The following PDGFD variants were observed in gnomAD, a reference collection of about 807,000 sequenced individuals.
PDGFD encodes the protein platelet derived growth factor D, also known as platelet-derived growth factor D.
PDGFD carries 30 observed loss-of-function variants against 44.7 expected under a neutral mutation model. The ratio of observed to expected loss-of-function variants is 0.67; its 90% confidence interval spans 0.50 to 0.91. PDGFD has a LOEUF of 0.91. Among genes scored for constraint, PDGFD ranks in the 40% least tolerant of loss-of-function variants. The probability of loss-of-function intolerance (pLI) is 0.00; values close to 1 mark genes in which losing one functional copy is unlikely to be tolerated. For synonymous variants in PDGFD, 173 were observed against 168.4 expected (o/e 1.03, Z -0.21); for missense variants, 445 against 457.8 (o/e 0.97, Z 0.25).
chr11:103,925,842 C>A (rs1858305964), intron 6 of PDGFD, among the ~76,000 whole-genome samples: 1 of 151,444 alleles, frequency 6.6e-6, no homozygotes, highest in South Asian at 2.1e-4. Flanking sequence ...GATTCTCCCG[C>A]CTCAGCCTCC....
chr11:104,158,392 C>T (rs1180177849), intron 1 of PDGFD, among the ~76,000 whole-genome samples: 1 of 152,178 alleles, frequency 6.6e-6, no homozygotes, highest in Non-Finnish European at 1.5e-5. Context: ...AAGATATGTA[C>T]AATACAATGG....
At chr11:104,085,821 C>T (rs191900753) in intron 1 of PDGFD, among the ~76,000 whole-genome samples, 3 of 152,190 alleles carry the variant, frequency 2.0e-5, no homozygotes, top group African/African-American at 7.2e-5. Context: ...AAGCCCTCTG[C>T]GCACACATGG....
At chr11:103,956,241 C>T (rs568645764) in intron 3 of PDGFD, among the ~76,000 whole-genome samples, 12 of 150,674 alleles carry the variant, frequency 8.0e-5, no homozygotes, top group East Asian at 2.0e-4. Context: ...GTCCCCAGAG[C>T]GTGATGTTCC....
intron 5 of PDGFD, among the ~76,000 whole-genome samples, chr11:103,942,467 T>A (rs1042506260): frequency 2.0e-5 from 3 of 152,132 alleles, no homozygotes; most frequent in African/African-American, 7.2e-5. Context: ...AGCATTGTTT[T>A]AACTCATGAT....
intron 1 of PDGFD, among the ~76,000 whole-genome samples, chr11:104,126,461 A>G (rs902323275): frequency 4.6e-5 from 7 of 152,172 alleles, no homozygotes; most frequent in African/African-American, 9.6e-5. Context: ...TACACTATTC[A>G]TCGGGTCTTT....
intron 1 of PDGFD, among the ~76,000 whole-genome samples, chr11:104,043,087 G>A (rs1565319150): frequency 6.6e-6 from 1 of 151,962 alleles, no homozygotes; most frequent in East Asian, 1.9e-4. Context: ...TTCAGTTAGA[G>A]GAACTAGAAA....
chr11:103,914,372 A>G (rs978324455), intron 6 of PDGFD, among the ~76,000 whole-genome samples: 1 of 152,130 alleles, frequency 6.6e-6, no homozygotes, highest in African/African-American at 2.4e-5. Context: ...CTCCCAAAAC[A>G]CATACACCCT....
At position 104,121,004 on chromosome 11, in the gene PDGFD, A is replaced by G. The variant is rs113883460; in HGVS notation, c.124+42800T>C. On this transcript the variant is annotated intron_variant, in intron 1 of 6. Coordinates refer to ENST00000393158, the MANE Select transcript of PDGFD (RefSeq NM_025208.5). The stretch of plus-strand genomic sequence containing the variant: ...ATTGACTAACCTGACCTCCCATGGC[A>G]GGACATTTAAATGACAGGAAGCAGT... Among the ~76,000 whole-genome samples, 814 of 152,128 alleles carry G rather than the reference A, an allele frequency of 5.4e-3. 4 individuals are homozygous for G. Among genetic ancestry groups the G allele is most frequent in the African/African-American group, 0.018 (767 of 41,540 alleles).
rs260805 is a variant in PDGFD at position 104,036,782 on chromosome 11, G to A, written c.125-36527C>T. ...GCCCGCCCCAGCCCGCCAGTGAGCC[G>A]CCCATGCCCTCTGCTAGCCCGGCCC... is the stretch of plus-strand genomic sequence containing the variant. On this transcript the variant is annotated intron_variant, in intron 1 of 6. Transcript: ENST00000393158. 3,485 of 1,533,318 alleles carry A rather than the reference G, an allele frequency of 2.3e-3. 69 individuals are homozygous for A. The African/African-American group carries it at 0.042, about 19-fold the overall frequency. The allele number at this position is 1,533,318 out of a possible 1,614,324, so 95.0% of individuals were successfully genotyped here.
At chr11:103,911,211 C>G (rs1858024063) in intron 6 of PDGFD, among the ~76,000 whole-genome samples, 1 of 152,136 alleles carries the variant, frequency 6.6e-6, no homozygotes, top group Admixed American at 6.5e-5. Flanking sequence ...AGCGGATCTC[C>G]CAGCACAGCA....
At chr11:104,087,784 G>T (rs1454726126) in intron 1 of PDGFD, among the ~76,000 whole-genome samples, 2 of 152,158 alleles carry the variant, frequency 1.3e-5, no homozygotes, top group African/African-American at 4.8e-5. Flanking sequence ...TTGGTGCTGT[G>T]CCGCAAGCAG....
At chr11:103,982,671 C>T (rs1042081686) in intron 3 of PDGFD, among the ~76,000 whole-genome samples, 1 of 151,716 alleles carries the variant, frequency 6.6e-6, no homozygotes, top group Non-Finnish European at 1.5e-5. Context: ...AAAACCCCAT[C>T]ATCTCAGCCC....
At chr11:104,160,971 G>C (rs1384715881) in intron 1 of PDGFD, among the ~76,000 whole-genome samples, 1 of 152,106 alleles carries the variant, frequency 6.6e-6, no homozygotes, top group Non-Finnish European at 1.5e-5. Flanking sequence ...AGAAGTTGTG[G>C]GGTTTTACTG....
intron 1 of PDGFD, among the ~76,000 whole-genome samples, chr11:104,096,254 C>T (rs561203508): frequency 1.3e-4 from 19 of 150,178 alleles, no homozygotes; most frequent in African/African-American, 4.6e-4. Context: ...AAAAAAACTA[C>T]AAAAAAGTAG....
At chr11:103,930,827 T>G (rs1172871308) in intron 5 of PDGFD, among the ~76,000 whole-genome samples, 1 of 152,264 alleles carries the variant, frequency 6.6e-6, no homozygotes, top group Non-Finnish European at 1.5e-5. Flanking sequence ...AGCAGCTGTG[T>G]ATCCTCATCC....
At chr11:103,916,248 A>T (rs1286728925) in intron 6 of PDGFD, among the ~76,000 whole-genome samples, 2 of 152,240 alleles carry the variant, frequency 1.3e-5, no homozygotes, top group Non-Finnish European at 2.9e-5. Flanking sequence ...TTTACAAGAA[A>T]AAAACAACCC....
At chr11:103,970,140 G>A (rs920378586) in intron 3 of PDGFD, among the ~76,000 whole-genome samples, 1 of 152,076 alleles carries the variant, frequency 6.6e-6, no homozygotes, top group Non-Finnish European at 1.5e-5. Context: ...GAGTATTTTA[G>A]ACATCCTTTC....
At chr11:103,912,020 T>G (rs2134298658) in intron 6 of PDGFD, among the ~76,000 whole-genome samples, 1 of 152,268 alleles carries the variant, frequency 6.6e-6, no homozygotes, top group Non-Finnish European at 1.5e-5. Flanking sequence ...TCCCCCAAAG[T>G]GATGGGGAGA....
At chr11:104,120,754 G>C (rs1222258672) in intron 1 of PDGFD, among the ~76,000 whole-genome samples, 1 of 151,778 alleles carries the variant, frequency 6.6e-6, no homozygotes, top group Non-Finnish European at 1.5e-5. Flanking sequence ...AACTCCTTAG[G>C]TTTTTCCCAC....
Sources: gnomAD v4.1 joint callset for allele counts (sites outside exome capture counted in the v4.1 genomes callset) on GRCh38, gnomAD v4.1.1 for gene constraint, MANE v1.5 for transcripts, NCBI Gene and HGNC (gene_info 2026-07-23, HGNC 2026-07-21) for gene names.